CNTN6: variants seen among roughly 807,000 people sequenced by gnomAD.
CNTN6 encodes contactin-6.
Under a neutral mutation model 122.8 loss-of-function variants are expected in CNTN6, and 137 were observed. The observed-to-expected ratio is 1.12, with a 90% CI of 0.97 to 1.29. CNTN6 has a LOEUF of 1.29. Among genes scored for constraint, CNTN6 ranks in the 50% most tolerant of loss-of-function variants. The probability of loss-of-function intolerance (pLI) is 0.00; values close to 1 mark genes in which losing one functional copy is unlikely to be tolerated. For synonymous variants in CNTN6, 570 were observed against 426.0 expected (o/e 1.34, Z -4.16); for missense variants, 1,634 against 1,223.4 (o/e 1.34, Z -5.01).
chr3:1,102,600 C>G (rs564855335), intron 1 of CNTN6, among the ~76,000 whole-genome samples: 3 of 147,008 alleles, frequency 2.0e-5, no homozygotes, highest in African/African-American at 7.7e-5. Flanking sequence ...GTGGTGGCGG[C>G]GCCTGTAGTC....
intron 2 of CNTN6, among the ~76,000 whole-genome samples, chr3:1,180,768 C>A (rs2093539541): frequency 6.6e-6 from 1 of 152,166 alleles, no homozygotes; most frequent in African/African-American, 2.4e-5. Context: ...TCCCTTGCAC[C>A]TGCACACATT....
intron 5 of CNTN6, among the ~76,000 whole-genome samples, chr3:1,291,536 T>G (rs550822085): frequency 1.6e-4 from 24 of 152,324 alleles, no homozygotes; most frequent in African/African-American, 5.5e-4. Context: ...AAATAGGCAT[T>G]GAATAAGGAT....
chr3:1,320,276 C>T (rs1303876675), intron 7 of CNTN6, among the ~76,000 whole-genome samples: 3 of 151,618 alleles, frequency 2.0e-5, no homozygotes, highest in Non-Finnish European at 4.4e-5. Context: ...TGATTTAGGG[C>T]ACATTTTCTG....
At chr3:1,359,081 A>G (rs549737694) in intron 12 of CNTN6, among the ~76,000 whole-genome samples, 8 of 152,134 alleles carry the variant, frequency 5.3e-5, no homozygotes, top group African/African-American at 1.9e-4. Flanking sequence ...AAGGTACAGA[A>G]GTCTTCTATT....
In CNTN6 at chr3:1,385,784, C is replaced by T. The variant is rs371067314; in HGVS notation, c.2691C>T (p.Thr897=). ...TGPSSPPVNV[T]TKKSPPSQPP... is the part of the protein sequence containing the mutation. ...CCTCAAGCCCCCCAGTCAATGTTACCACCAAAAAGTCTCGTAAGTATGCAT... is the reference window on the plus strand; with the variant it reads ...CCTCAAGCCCCCCAGTCAATGTTACTACCAAAAAGTCTCGTAAGTATGCAT... The change falls in exon 20 of 23, where the codon ACC becomes ACT. Residue 897 remains threonine (T), a synonymous_variant. Transcript: ENST00000446702. 38 of 1,608,982 alleles carry T rather than the reference C, an allele frequency of 2.4e-5. No individual in the cohort carries two copies. The highest frequency in any genetic ancestry group is 3.2e-5 in the Non-Finnish European group (38 of 1,178,154).
chr3:1,266,034 A>G (rs1389984533), intron 4 of CNTN6, among the ~76,000 whole-genome samples: 1 of 150,868 alleles, frequency 6.6e-6, no homozygotes, highest in African/African-American at 2.4e-5. Context: ...TTTTTTTTGC[A>G]TAACACCTAA....
intron 7 of CNTN6, among the ~76,000 whole-genome samples, chr3:1,310,281 G>T (rs1332858361): frequency 6.6e-6 from 1 of 152,088 alleles, no homozygotes; most frequent in Admixed American, 6.6e-5. Flanking sequence ...TTATCAAGTT[G>T]GGGAGCTTCC....
intron 5 of CNTN6, among the ~76,000 whole-genome samples, chr3:1,279,641 G>A (rs892808604): frequency 1.3e-5 from 2 of 152,136 alleles, no homozygotes; most frequent in African/African-American, 2.4e-5. Context: ...AACTATCACT[G>A]CAGTTGTTAT....
chr3:1,341,574 G>A (rs1470629644), intron 11 of CNTN6, among the ~76,000 whole-genome samples: 2 of 152,038 alleles, frequency 1.3e-5, no homozygotes, highest in African/African-American at 4.8e-5. Flanking sequence ...AAATAATTAC[G>A]CTATTTAGCA....
intron 4 of CNTN6, among the ~76,000 whole-genome samples, chr3:1,243,981 G>GA (rs974451542): frequency 2.6e-5 from 4 of 152,004 alleles, no homozygotes; most frequent in Admixed American, 2.6e-4. Flanking sequence ...GCTAGGGAGG[G>GA]AACGAAGTGT....
At chr3:1,385,335 C>A (rs1692706568) in intron 19 of CNTN6, among the ~76,000 whole-genome samples, 1 of 152,084 alleles carries the variant, frequency 6.6e-6, no homozygotes, top group Admixed American at 6.5e-5. Context: ...AGCTGGTAAC[C>A]TTTAGATAGC....
intron 20 of CNTN6, among the ~76,000 whole-genome samples, chr3:1,388,213 C>G (rs933483812): frequency 1.3e-5 from 2 of 150,010 alleles, no homozygotes; most frequent in African/African-American, 4.9e-5. Context: ...AGCTGGAGAT[C>G]TGAGAACTGG....
intron 3 of CNTN6, among the ~76,000 whole-genome samples, chr3:1,226,722 G>T (rs1012148994): frequency 2.0e-5 from 3 of 151,798 alleles, no homozygotes; most frequent in African/African-American, 7.3e-5. Flanking sequence ...TTTTTTTTCT[G>T]AAGGCTTTCA....
chr3:1,321,858 T>C (rs758195551), intron 8 of CNTN6, 24 bp downstream of exon 8: 2 of 1,557,164 alleles, frequency 1.3e-6, no homozygotes, highest in Admixed American at 1.9e-5. Context: ...ATTTCAAATA[T>C]ATATAAAATA....
In CNTN6 at chr3:1,383,086, C is replaced by T. The variant is rs746084445; in HGVS notation, c.2311C>T (p.Leu771=). 1 of 1,614,066 alleles carries T rather than the reference C, an allele frequency of 6.2e-7. No individual in the cohort carries two copies. The highest frequency in any genetic ancestry group is 8.5e-7 in the Non-Finnish European group (1 of 1,179,926). Residue 771 remains leucine (L), a synonymous_variant, in exon 18 of 23, where the codon CTG becomes TTG. Transcript: ENST00000446702. ...FVYRNESIIP[L]SPFEVKVGVY... ...CTACAGAAATGAAAGCATCATCCCA[C>T]TGTCTCCCTTTGAAGTCAAAGTGGG...
At chr3:1,107,688 C>A (rs1284188443) in intron 1 of CNTN6, among the ~76,000 whole-genome samples, 2 of 152,016 alleles carry the variant, frequency 1.3e-5, no homozygotes, top group Non-Finnish European at 2.9e-5. Flanking sequence ...TGTTCCTCTC[C>A]TTTCAATTGC....
chr3:1,329,668 C>T, intron 10 of CNTN6, 117 bp from the exon 11 acceptor site: 1 of 795,296 alleles, frequency 1.3e-6, no homozygotes, highest in Non-Finnish European at 1.9e-6. Flanking sequence ...AGCAAAGTAA[C>T]CTGAAAAGAG....
At chr3:1,099,672 C>T (rs890508888) in intron 1 of CNTN6, among the ~76,000 whole-genome samples, 11 of 152,094 alleles carry the variant, frequency 7.2e-5, no homozygotes, top group Non-Finnish European at 1.6e-4. Flanking sequence ...TCAACAATTT[C>T]ATGTTTGTTA....
At chr3:1,171,432 C>A (rs1262895864) in intron 2 of CNTN6, among the ~76,000 whole-genome samples, 1 of 152,174 alleles carries the variant, frequency 6.6e-6, no homozygotes, top group Non-Finnish European at 1.5e-5. Context: ...GAGCAGATAA[C>A]TAATCATATT....
Sources: allele counts gnomAD v4.1 joint callset (sites outside exome capture counted in the v4.1 genomes callset), GRCh38; gene constraint gnomAD v4.1.1; transcripts MANE v1.5; gene names NCBI Gene and HGNC (gene_info 2026-07-23, HGNC 2026-07-21).